COL4A4: variants seen among roughly 807,000 people sequenced by gnomAD.
COL4A4 encodes the protein collagen alpha-4(IV) chain.
In COL4A4, 105 loss-of-function variants were observed where a neutral mutation model predicts 192.9. That is an observed-to-expected ratio of 0.54 (90% CI 0.46 to 0.64). The LOEUF is 0.64. Among genes scored for constraint, COL4A4 ranks in the 30% least tolerant of loss-of-function variants. The pLI is 0.00. For synonymous variants in COL4A4, 762 were observed against 769.9 expected, an observed-to-expected ratio of 0.99 and a Z score of 0.17; for missense variants, 1,967 against 2,169.3, an observed-to-expected ratio of 0.91 and a Z score of 1.85.
At chr2:227,117,627 T>C (rs2061559468) in intron 7 of COL4A4, among the ~76,000 whole-genome samples, 1 of 150,756 alleles carries the variant, frequency 6.6e-6, no homozygotes, top group African/African-American at 2.5e-5. Flanking sequence ...TGATATTTTA[T>C]TAAGGAAGGG....
the COL4A4 span, among the ~76,000 whole-genome samples, chr2:226,969,368 T>C: frequency 1.8e-4 from 27 of 149,958 alleles, no homozygotes; most frequent in Non-Finnish European, 3.6e-4. Context: ...GCAATAGCCA[T>C]TTGCTCTGGG....
chr2:227,125,907 C>T (rs1015045769), intron 4 of COL4A4, among the ~76,000 whole-genome samples: 3 of 152,036 alleles, frequency 2.0e-5, no homozygotes, highest in African/African-American at 7.2e-5. Flanking sequence ...AGGGGAAGGC[C>T]GAGTCTAAGT....
chr2:227,014,035 G>C (rs1160451530), intron 44 of COL4A4, among the ~76,000 whole-genome samples: 1 of 152,218 alleles, frequency 6.6e-6, no homozygotes, highest in Non-Finnish European at 1.5e-5. Flanking sequence ...AAGAATCGAA[G>C]ATTTCCCACG....
chr2:227,065,980 G>C (rs2058312956), intron 25 of COL4A4, among the ~76,000 whole-genome samples: 1 of 152,170 alleles, frequency 6.6e-6, no homozygotes, highest in Non-Finnish European at 1.5e-5. Context: ...ACTTTGAAAA[G>C]AATTTAGAAG....
chr2:227,083,515 T>C (rs1258540109), intron 22 of COL4A4, among the ~76,000 whole-genome samples: 4 of 152,124 alleles, frequency 2.6e-5, no homozygotes, highest in Non-Finnish European at 5.9e-5. Context: ...GGCACAATCA[T>C]AACTCACTGC....
At chr2:227,108,988 T>C in intron 10 of COL4A4, 120 bp from the exon 11 acceptor site, 1 of 1,059,586 alleles carries the variant, frequency 9.4e-7, no homozygotes, top group Non-Finnish European at 1.5e-6. Flanking sequence ...AAACATGCAG[T>C]GATGGAGTTT....
At chr2:227,068,426 TTTA>T (rs2058489961) in intron 25 of COL4A4, among the ~76,000 whole-genome samples, 1 of 152,176 alleles carries the variant, frequency 6.6e-6, no homozygotes, top group African/African-American at 2.4e-5. Flanking sequence ...AAAAGAGAAT[TTTA>T]GACCAATATC....
intron 7 of COL4A4, among the ~76,000 whole-genome samples, chr2:227,117,311 A>G (rs1348459090): frequency 1.3e-5 from 2 of 152,312 alleles, no homozygotes; most frequent in African/African-American, 4.8e-5. Flanking sequence ...AATGCTCATG[A>G]ATCTGTAGAA....
chr2:227,024,783 A>G (rs1161068406), intron 43 of COL4A4, among the ~76,000 whole-genome samples: 1 of 152,232 alleles, frequency 6.6e-6, no homozygotes, highest in Non-Finnish European at 1.5e-5. Context: ...TTAATGTAAA[A>G]CTTGGCTTTT....
intron 1 of COL4A4, among the ~76,000 whole-genome samples, chr2:227,154,736 A>C (rs933497220): frequency 6.6e-6 from 1 of 152,256 alleles, no homozygotes; most frequent in African/African-American, 2.4e-5. Context: ...TTGTAGAGAA[A>C]TAAGCAGAGG....
chr2:227,089,614 C>CAT lies in COL4A4; in HGVS notation c.1459+252_1459+253dup, dbSNP rs1421808098. 2.2e-3 allele frequency among the ~76,000 whole-genome samples: 184 copies of CAT among 85,162 alleles called. 6 individuals carry two copies. The highest frequency in any genetic ancestry group is 6.3e-3 in the African/African-American group (174 of 27,684). The allele number at this position is 85,162 out of a possible 152,430, so 55.9% of individuals were successfully genotyped here. A position where few individuals can be genotyped will look rare whatever the true frequency, so the allele number is the denominator to read the frequency against. ...ATATATATATATATATATATACATA[C>CAT]ATATATATAAATATATAAGACACAA... On this transcript the variant is annotated intron_variant, in intron 21 of 47. Coordinates refer to ENST00000396625, the MANE Select transcript of COL4A4 (RefSeq NM_000092.5).
chr2:227,041,852 A>AAGAAAGAAAGAGAGAGAGAGAGAGAG (rs1971344345), intron 37 of COL4A4, among the ~76,000 whole-genome samples: 1 of 71,364 alleles, frequency 1.4e-5, no homozygotes, highest in Non-Finnish European at 2.8e-5. Context: ...AAGAAAGAGA[A>AAGAAAGAAAGAGAGAGAGAGAGAGAG]AGAAAGAAAG....
At chr2:226,998,146 TCTTTA>T (rs1402342821), downstream of COL4A4, 2 of 152,218 alleles carry the variant, frequency 1.3e-5, no homozygotes, top group Non-Finnish European at 2.9e-5. Context: ...TAATGCAGAA[TCTTTA>T]CTTGGTTCTG....
chr2:226,970,391 C>G, the COL4A4 span, among the ~76,000 whole-genome samples: 271 of 152,094 alleles, frequency 1.8e-3, no homozygotes, highest in Non-Finnish European at 2.9e-3. Context: ...CTAAAATAAG[C>G]TTTTTTCCCC....
At chr2:227,106,129 T>TC (rs1352327324) in intron 12 of COL4A4, among the ~76,000 whole-genome samples, 1 of 151,806 alleles carries the variant, frequency 6.6e-6, no homozygotes, top group Admixed American at 6.6e-5. Context: ...TGTTTTGTTT[T>TC]TTTTTCCTTG....
At chr2:227,117,335 G>A (rs905347467) in intron 7 of COL4A4, among the ~76,000 whole-genome samples, 1 of 152,218 alleles carries the variant, frequency 6.6e-6, no homozygotes, top group African/African-American at 2.4e-5. Context: ...GGTTTGGCCT[G>A]ATTTGAGGAG....
chr2:227,034,655 T>C (rs1969203276), intron 37 of COL4A4, among the ~76,000 whole-genome samples: 2 of 150,900 alleles, frequency 1.3e-5, no homozygotes, highest in African/African-American at 2.4e-5. Flanking sequence ...CATGCTGGTG[T>C]GCTGCACCCA....
Position 227,027,889 on chromosome 2 carries a change from G to A in COL4A4, c.4081+13C>T. 6.4e-7 allele frequency: 1 copy of A among 1,565,306 alleles called. No homozygotes were observed. Among genetic ancestry groups the A allele is most frequent in the South Asian group, 1.1e-5 (1 of 89,934 alleles). ...TGTTTAAACAAAATGCTGTATGTAGGTTGGAAGCTCACCCGGAAGACCAGT... is the reference window on the plus strand; with the variant it reads ...TGTTTAAACAAAATGCTGTATGTAGATTGGAAGCTCACCCGGAAGACCAGT... On this transcript the variant is annotated intron_variant, in intron 42 of 47. Coordinates refer to ENST00000396625, the MANE Select transcript of COL4A4 (RefSeq NM_000092.5).
intron 44 of COL4A4, among the ~76,000 whole-genome samples, chr2:227,019,282 A>G (rs1965525857): frequency 6.6e-6 from 1 of 152,210 alleles, no homozygotes; most frequent in African/African-American, 2.4e-5. Flanking sequence ...TCTTAGCTGA[A>G]TCTTTAAGGA....
Sources: allele counts gnomAD v4.1 joint callset (sites outside exome capture counted in the v4.1 genomes callset), GRCh38; gene constraint gnomAD v4.1.1; transcripts MANE v1.5; gene names NCBI Gene and HGNC (gene_info 2026-07-23, HGNC 2026-07-21).